Variants in ETFBKMT observed in about 807,000 individuals in gnomAD.
ETFBKMT encodes the protein electron transfer flavoprotein subunit beta lysine methyltransferase.
ETFBKMT carries 13 observed loss-of-function variants against 18.3 expected under a neutral mutation model. That is an observed-to-expected ratio of 0.71 (90% CI 0.46 to 1.13). The LOEUF is 1.13. ETFBKMT is among the 50% of genes most tolerant of loss of function. The pLI is 0.00. For synonymous variants in ETFBKMT, 84 were observed against 107.9 expected, an observed-to-expected ratio of 0.78 and a Z score of 1.37; for missense variants, 293 against 306.2, an observed-to-expected ratio of 0.96 and a Z score of 0.32.
chr12:31,650,626 C>CTTTTTTTTTTTTT (rs543201341), intron 1 of ETFBKMT, among the ~76,000 whole-genome samples: 12,764 of 138,832 alleles, frequency 0.092, 855 homozygotes, highest in South Asian at 0.11. Flanking sequence ...AATGACCTGA[C>CTTTTTTTTTTTTT]CTTTTTTTTT....
At chr12:31,660,620 A>G (rs192641849) in intron 1 of ETFBKMT, among the ~76,000 whole-genome samples, 213 of 152,316 alleles carry the variant, frequency 1.4e-3, no homozygotes, top group African/African-American at 5.0e-3. Flanking sequence ...AAATCGAACC[A>G]TCAGATACTT....
At position 31,667,737 on chromosome 12, in the gene ETFBKMT, A is replaced by T. The variant is rs764004720; in HGVS notation, c.536A>T (p.Asp179Val). Residue 179 changes from aspartate to valine, a missense_variant, in exon 4 of 4, where the codon GAT becomes GTT. Physicochemically the swap from Asp to Val is radical, Grantham distance 152 (BLOSUM62 -3). Transcript: ENST00000357721. ...LIQNILNLEQ[D>V]KWDLVVLGDM... ...CAAAACATTTTGAATTTGGAACAAG[A>T]TAAGTGGGACCTTGTTGTTCTTGGC... is the stretch of plus-strand genomic sequence containing the variant. 6.2e-7 allele frequency: 1 copy of T among 1,614,066 alleles called. No homozygotes were observed. Among genetic ancestry groups the T allele is most frequent in the Non-Finnish European group, 8.5e-7 (1 of 1,179,948 alleles).
rs1454451899 is a variant in ETFBKMT, at chr12:31,669,106, G to T, written c.*1116G>T. The T allele has an allele frequency of 6.6e-6, 1 of 152,110 alleles. No individual in the cohort carries two copies. Among genetic ancestry groups the T allele is most frequent in the African/African-American group, 2.4e-5 (1 of 41,414 alleles). The allele number at this position is 152,110 out of a possible 1,614,324, so 9.4% of individuals were successfully genotyped here. A position where few individuals can be genotyped will look rare whatever the true frequency, so the allele number is the denominator to read the frequency against. On this transcript the variant is annotated 3_prime_UTR_variant, in exon 4 of 4. Transcript: ENST00000357721. ...AAGGTAGCATGAGGTTTTAAAATCT[G>T]GGTAGGGCTACTGTTTGCTGTAGAG...
At chr12:31,664,936 TTTC>T (rs773070051) in intron 2 of ETFBKMT, among the ~76,000 whole-genome samples, 182 of 144,828 alleles carry the variant, frequency 1.3e-3, no homozygotes, top group Non-Finnish European at 2.4e-3. Context: ...CTTTTCTTTC[TTTC>T]TTTTTTTTTT....
intron 3 of ETFBKMT, 142 bp from the exon 4 acceptor site, chr12:31,667,505 A>G (rs2139631202): frequency 1.5e-6 from 1 of 648,924 alleles, no homozygotes; most frequent in Non-Finnish European, 2.6e-6. Context: ...GATAACCTTT[A>G]TACTTCTCTA....
chr12:31,672,244 G>C lies in ETFBKMT; in HGVS notation c.*4254G>C, dbSNP rs540084372. On this transcript the variant is annotated 3_prime_UTR_variant, in exon 4 of 4. Transcript: ENST00000357721. ...AAGTAGAATGCAAATCTCTATAGAT[G>C]GTTTCCTGGGAAAGTAGTTTTGATA... is the stretch of plus-strand genomic sequence containing the variant. 121 of 1,138,618 alleles carry C rather than the reference G, an allele frequency of 1.1e-4. No individual in the cohort carries two copies. The East Asian group carries it at 3.0e-3, about 28-fold the overall frequency. The allele number at this position is 1,138,618 out of a possible 1,614,324, so 70.5% of individuals were successfully genotyped here.
intron 2 of ETFBKMT, 115 bp downstream of exon 2, chr12:31,662,382 C>T: frequency 3.2e-6 from 3 of 933,086 alleles, no homozygotes; most frequent in Admixed American, 5.3e-5. Context: ...CCTGTAGTCT[C>T]AGTACTTTGG....
chr12:31,656,419 A>G (rs1951062564), upstream of ETFBKMT, among the ~76,000 whole-genome samples: 1 of 152,156 alleles, frequency 6.6e-6, no homozygotes, highest in Admixed American at 6.5e-5. Flanking sequence ...GAAAAGAGGC[A>G]GGATAGGTTA....
At chr12:31,656,947 T>C (rs981744621), upstream of ETFBKMT, among the ~76,000 whole-genome samples, 2 of 152,250 alleles carry the variant, frequency 1.3e-5, no homozygotes, top group Non-Finnish European at 2.9e-5. Context: ...TTAGCAAGCA[T>C]TTACTACATG....
upstream of ETFBKMT, chr12:31,659,607 A>G (rs143671457): frequency 3.3e-5 from 5 of 152,252 alleles, no homozygotes; most frequent in Non-Finnish European, 5.9e-5. Context: ...AATCCCAAAT[A>G]ATCTCTATTT....
chr12:31,654,693 T>C (rs1445010163), upstream of ETFBKMT, among the ~76,000 whole-genome samples: 2 of 152,148 alleles, frequency 1.3e-5, no homozygotes, highest in Non-Finnish European at 2.9e-5. Flanking sequence ...TACAATTGCA[T>C]GCATATGAAA....
rs181343317 is a variant in ETFBKMT at position 31,663,194 on chromosome 12, G to A, written c.314+927G>A. On this transcript the variant is annotated intron_variant, in intron 2 of 3. Coordinates refer to ENST00000357721, the MANE Select transcript of ETFBKMT (RefSeq NM_001135863.2). ...TGCAAGCCCCGCCTCCCGGGTTCACGCCATTCTCCTGCCTCACCCTCCTGA... is the reference window on the plus strand; with the variant it reads ...TGCAAGCCCCGCCTCCCGGGTTCACACCATTCTCCTGCCTCACCCTCCTGA... 3.0e-3 allele frequency among the ~76,000 whole-genome samples: 453 copies of A among 151,952 alleles called. 2 individuals are homozygous for A. The highest frequency in any genetic ancestry group is 0.011 in the African/African-American group (440 of 41,424).
chr12:31,672,377 T>A lies in ETFBKMT; in HGVS notation c.*4387T>A, dbSNP rs1487184211. On this transcript the variant is annotated 3_prime_UTR_variant, in exon 4 of 4. Coordinates refer to ENST00000357721, the MANE Select transcript of ETFBKMT (RefSeq NM_001135863.2). ...TTGCTCCAACACTTCTCGGGAATGA[T>A]CTATAAAAGAAAACAATGACAATAT... 1.9e-6 allele frequency: 3 copies of A among 1,563,470 alleles called. No individual in the cohort carries two copies. Among genetic ancestry groups the A allele is most frequent in the Non-Finnish European group, 2.6e-6 (3 of 1,150,758 alleles).
upstream of ETFBKMT, among the ~76,000 whole-genome samples, chr12:31,654,921 T>C (rs1280820261): frequency 2.0e-5 from 3 of 151,908 alleles, no homozygotes; most frequent in Admixed American, 1.3e-4. Flanking sequence ...CCAGGTGTGG[T>C]GGTTCACGCC....
chr12:31,672,569 G>C lies in ETFBKMT; in HGVS notation c.*4579G>C. The C allele has an allele frequency of 2.0e-6, 1 of 497,386 alleles. No homozygotes were observed. Among genetic ancestry groups the C allele is most frequent in the African/African-American group, 1.9e-5 (1 of 51,538 alleles). The allele number at this position is 497,386 out of a possible 1,614,324, so 30.8% of individuals were successfully genotyped here. ...GTAGCCCTCACTATTATTAGGTGTA[G>C]TGCACCTATCATGGTATTACTTGTT... On this transcript the variant is annotated 3_prime_UTR_variant, in exon 4 of 4. Coordinates refer to ENST00000357721, the MANE Select transcript of ETFBKMT (RefSeq NM_001135863.2).
At chr12:31,660,615 G>C (rs1230532239) in intron 1 of ETFBKMT, among the ~76,000 whole-genome samples, 2 of 151,980 alleles carry the variant, frequency 1.3e-5, no homozygotes, top group Non-Finnish European at 2.9e-5. Flanking sequence ...TGGTAAAATC[G>C]AACCATCAGA....
At position 31,672,415 on chromosome 12, in the gene ETFBKMT, T is replaced by C. The variant is rs1346654842; in HGVS notation, c.*4425T>C. On this transcript the variant is annotated 3_prime_UTR_variant, in exon 4 of 4. Transcript: ENST00000357721. ...ACAATGACAATATATTAATTGACAATAAAAAATGTTTAATGTTTCCTCATG... is the reference window on the plus strand; with the variant it reads ...ACAATGACAATATATTAATTGACAACAAAAAATGTTTAATGTTTCCTCATG... 7.1e-7 allele frequency: 1 copy of C among 1,407,500 alleles called. No individual in the cohort carries two copies. The highest frequency in any genetic ancestry group is 2.0e-5 in the Admixed American group (1 of 50,864). 87.2% of individuals were successfully genotyped at this position (1,407,500 alleles called of 1,614,324 possible). A position where few individuals can be genotyped will look rare whatever the true frequency, so the allele number is the denominator to read the frequency against.
At chr12:31,647,566 C>T (rs903051147) in intron 1 of ETFBKMT, among the ~76,000 whole-genome samples, 5 of 152,112 alleles carry the variant, frequency 3.3e-5, no homozygotes, top group Admixed American at 6.6e-5. Flanking sequence ...AGGGGCTGGG[C>T]GCGTGTAATC....
At chr12:31,666,999 C>CTT (rs1212726747) in intron 3 of ETFBKMT, among the ~76,000 whole-genome samples, 8 of 135,060 alleles carry the variant, frequency 5.9e-5, no homozygotes, top group Middle Eastern at 4.0e-3. Flanking sequence ...CTTTTTTTTT[C>CTT]TTTTTTTTTT....
Sources: gnomAD v4.1 joint callset for allele counts (sites outside exome capture counted in the v4.1 genomes callset) on GRCh38, gnomAD v4.1.1 for gene constraint, MANE v1.5 for transcripts, NCBI Gene and HGNC (gene_info 2026-07-23, HGNC 2026-07-21) for gene names.